The following ZNF536 variants were observed in gnomAD, a reference collection of about 807,000 sequenced individuals.
ZNF536 encodes zinc finger protein 536.
In ZNF536, 13 loss-of-function variants were observed where a neutral mutation model predicts 84.5. The observed-to-expected ratio is 0.15, with a 90% confidence interval of 0.10 to 0.24. The LOEUF (loss-of-function observed/expected upper bound fraction) is 0.24. ZNF536 is among the 10% of genes least tolerant of loss of function. The pLI is 1.00. For missense variants in ZNF536, 1,536 were observed against 1,747.5 expected, an observed-to-expected ratio of 0.88 and a Z score of 2.16; for synonymous variants, 811 against 742.5, an observed-to-expected ratio of 1.09 and a Z score of -1.50.
chr19:30,371,688 A>G (rs1455218038), upstream of ZNF536, among the ~76,000 whole-genome samples: 1 of 151,578 alleles, frequency 6.6e-6, no homozygotes, highest in Non-Finnish European at 1.5e-5. Flanking sequence ...TGTAGGGGAA[A>G]GGAGGGGGCA....
chr19:30,514,312 C>T (rs888628729), intron 2 of ZNF536, among the ~76,000 whole-genome samples: 14 of 152,066 alleles, frequency 9.2e-5, no homozygotes, highest in African/African-American at 3.4e-4. Context: ...CTGTTTTCAC[C>T]CTGAGCCTCC....
At position 30,628,394 on chromosome 19, in the gene ZNF536, C is replaced by G. The variant is rs116399488; in HGVS notation, c.169+78880C>G. On this transcript the variant is annotated intron_variant, in intron 1 of 1. Coordinates refer to the ZNF536 transcript ENST00000592773. The stretch of plus-strand genomic sequence containing the variant: ...ACCGAGGAGGACAGAAAACATAGCA[C>G]AGCACGCTGCAGAGCTCCAGCTCAT... Among the ~76,000 whole-genome samples, 419 of 151,818 alleles carry G rather than the reference C, an allele frequency of 2.8e-3. 1 individual carries two copies. The highest frequency in any genetic ancestry group is 9.5e-3 in the African/African-American group (395 of 41,420).
chr19:30,386,146 G>A (rs1168024299), intron 1 of ZNF536, among the ~76,000 whole-genome samples: 3 of 152,176 alleles, frequency 2.0e-5, no homozygotes, highest in South Asian at 2.1e-4. Context: ...CTTTGCCTAC[G>A]CTGTCTTAGA....
At chr19:30,401,566 C>A (rs1488380763) in intron 1 of ZNF536, among the ~76,000 whole-genome samples, 1 of 152,210 alleles carries the variant, frequency 6.6e-6, no homozygotes, top group Non-Finnish European at 1.5e-5. Flanking sequence ...CATTTCTTTT[C>A]CTTGCTTACA....
At chr19:30,458,578 G>A (rs951591268) in intron 2 of ZNF536, among the ~76,000 whole-genome samples, 2 of 148,762 alleles carry the variant, frequency 1.3e-5, no homozygotes, top group Non-Finnish European at 3.0e-5. Flanking sequence ...TCAGCCTCCC[G>A]AGTAGCTGGG....
chr19:30,518,865 TG>T (rs1193562874), intron 2 of ZNF536, among the ~76,000 whole-genome samples: 1 of 150,928 alleles, frequency 6.6e-6, no homozygotes, highest in Non-Finnish European at 1.5e-5. Flanking sequence ...GGCAGAGGGA[TG>T]GGGGTGCAGG....
At chr19:30,534,711 A>T in intron 2 of ZNF536, 136 bp from the exon 3 acceptor site, 2 of 887,774 alleles carry the variant, frequency 2.3e-6, no homozygotes, top group Non-Finnish European at 3.3e-6. Flanking sequence ...AATTGTCAGC[A>T]TTCTGTCAGA....
intron 1 of ZNF536, among the ~76,000 whole-genome samples, chr19:30,594,753 G>A (rs1759542484): frequency 6.6e-6 from 1 of 151,954 alleles, no homozygotes; most frequent in South Asian, 2.1e-4. Flanking sequence ...TGTTTCCCCT[G>A]CGAGAAGCCG....
chr19:30,486,872 A>T (rs950880667), intron 2 of ZNF536, among the ~76,000 whole-genome samples: 1 of 152,234 alleles, frequency 6.6e-6, no homozygotes, highest in Non-Finnish European at 1.5e-5. Flanking sequence ...GGCTCAGATA[A>T]AGGGCAAATG....
chr19:30,226,155 C>A (rs1363447847), upstream of ZNF536, among the ~76,000 whole-genome samples: 1 of 151,488 alleles, frequency 6.6e-6, no homozygotes, highest in Non-Finnish European at 1.5e-5. This position sits in a 1 kb window ranked among gnomAD's most constrained non-coding sequence, Gnocchi z 4.6. Flanking sequence ...CCGGCCGGCG[C>A]CCCCCACCCG....
intron 2 of ZNF536, among the ~76,000 whole-genome samples, chr19:30,471,203 A>G (rs2053621789): frequency 6.6e-6 from 1 of 152,140 alleles, no homozygotes; most frequent in African/African-American, 2.4e-5. Flanking sequence ...GAGATAAAGG[A>G]CCATTCTCAT....
chr19:30,260,607 G>A (rs1321637580), intron 1 of ZNF536, among the ~76,000 whole-genome samples: 1 of 152,252 alleles, frequency 6.6e-6, no homozygotes, highest in East Asian at 1.9e-4. Context: ...GATGGAGTCA[G>A]AAGGAAATTC....
At chr19:30,678,676 G>A (rs1296373419) in intron 1 of ZNF536, among the ~76,000 whole-genome samples, 1 of 152,146 alleles carries the variant, frequency 6.6e-6, no homozygotes, top group Non-Finnish European at 1.5e-5. Flanking sequence ...GGAGAAATCA[G>A]ACTATGTCTG....
intron 2 of ZNF536, among the ~76,000 whole-genome samples, chr19:30,326,160 C>G (rs1282935461): frequency 6.6e-6 from 1 of 152,214 alleles, no homozygotes; most frequent in Non-Finnish European, 1.5e-5. Context: ...GGCAAGCAGG[C>G]AGAACTCAGA....
At position 30,384,206 on chromosome 19, in the gene ZNF536, TCCTCCCTC is replaced by T. The variant is rs1197489321; in HGVS notation, c.-3+11670_-3+11677del. 3.5e-3 allele frequency among the ~76,000 whole-genome samples: 121 copies of T among 34,308 alleles called. 2 individuals carry two copies. Among genetic ancestry groups the T allele is most frequent in the African/African-American group, 0.014 (115 of 8,438 alleles). The allele number at this position is 34,308 out of a possible 152,430, so 22.5% of individuals were successfully genotyped here. On this transcript the variant is annotated intron_variant, in intron 1 of 4. Transcript: ENST00000355537. ...CTTTCTCCTTCCTTCCTTCCTTCCA[TCCTCCCTC>T]CCTCCCTCCCTCCCTCCCTTCCTTC...
At chr19:30,457,201 C>T (rs2052896794) in intron 2 of ZNF536, among the ~76,000 whole-genome samples, 1 of 152,212 alleles carries the variant, frequency 6.6e-6, no homozygotes, top group Admixed American at 6.5e-5. Flanking sequence ...CCAGTTTGTT[C>T]TCAAAGGATC....
chr19:30,682,602 G>T (rs866858980), intron 1 of ZNF536, among the ~76,000 whole-genome samples: 10 of 152,188 alleles, frequency 6.6e-5, no homozygotes, highest in Admixed American at 1.3e-4. Flanking sequence ...ATTAAGTAAC[G>T]TTGGCAGGGG....
intron 3 of ZNF536, among the ~76,000 whole-genome samples, chr19:30,366,725 G>A (rs2048449555): frequency 6.6e-6 from 1 of 152,118 alleles, no homozygotes; most frequent in South Asian, 2.1e-4. Flanking sequence ...TGAGAATGTA[G>A]CAGAGAACAA....
chr19:30,559,255 T>C (rs891701424), downstream of ZNF536, among the ~76,000 whole-genome samples: 2 of 152,204 alleles, frequency 1.3e-5, no homozygotes, highest in Non-Finnish European at 2.9e-5. Context: ...GCACATACCA[T>C]GGGTTCCTTT....
Sources: allele counts gnomAD v4.1 joint callset (sites outside exome capture counted in the v4.1 genomes callset), GRCh38; gene constraint gnomAD v4.1.1; non-coding constraint Gnocchi (gnomAD v3.1); transcripts MANE v1.5; gene names NCBI Gene and HGNC (gene_info 2026-07-23, HGNC 2026-07-21).